The following ISOC1 variants were observed in gnomAD, a reference collection of about 807,000 sequenced individuals.
The protein encoded by ISOC1 is isochorismatase domain containing 1, also known as isochorismatase domain-containing protein 1.
In ISOC1, 33 loss-of-function variants were observed where a neutral mutation model predicts 30.0. The observed-to-expected ratio is 1.10, with a 90% CI of 0.83 to 1.47. The LOEUF is 1.47. ISOC1 is among the 40% of genes most tolerant of loss of function. ISOC1 has a pLI of 0.00. For missense variants in ISOC1, 372 were observed against 388.0 expected (o/e 0.96, Z 0.35); for synonymous variants, 178 against 159.8 (o/e 1.11, Z -0.86).
At chr5:129,104,544 C>T (rs1197491200) in intron 1 of ISOC1, among the ~76,000 whole-genome samples, 1 of 152,060 alleles carries the variant, frequency 6.6e-6, no homozygotes, top group South Asian at 2.1e-4. Flanking sequence ...TTGTAATGTA[C>T]TACTACTTTT....
At chr5:129,106,894 C>A in intron 3 of ISOC1, 52 bp from the exon 4 acceptor site, 1 of 1,271,060 alleles carries the variant, frequency 7.9e-7, no homozygotes. Context: ...CATTTGTAAA[C>A]TACTTTTAGT....
intron 3 of ISOC1, among the ~76,000 whole-genome samples, chr5:129,105,628 T>C (rs1026680721): frequency 6.6e-6 from 1 of 152,172 alleles, no homozygotes; most frequent in Non-Finnish European, 1.5e-5. Context: ...TTAAAGAGGA[T>C]ACTAAAATAC....
rs114901680 is a variant in ISOC1 at position 129,095,849 on chromosome 5, G to A, written c.309+774G>A. 5.1e-3 allele frequency among the ~76,000 whole-genome samples: 771 copies of A among 152,282 alleles called. 8 individuals are homozygous for A. The highest frequency in any genetic ancestry group is 0.018 in the African/African-American group (738 of 41,560). ...TTAAGCTGTGCTCTCATGCTAGGCG[G>A]GTTAATCTTCCGCCCTCTTTAGGAT... On this transcript the variant is annotated intron_variant, in intron 1 of 4. Coordinates refer to ENST00000173527, the MANE Select transcript of ISOC1 (RefSeq NM_016048.2).
intron 1 of ISOC1, among the ~76,000 whole-genome samples, chr5:129,103,179 T>G (rs1040273165): frequency 2.6e-5 from 4 of 152,172 alleles, no homozygotes; most frequent in Non-Finnish European, 5.9e-5. Context: ...ATGTAGATAT[T>G]GAGCCTTTTG....
intron 1 of ISOC1, among the ~76,000 whole-genome samples, chr5:129,102,581 C>T (rs1753586049): frequency 6.6e-6 from 1 of 152,114 alleles, no homozygotes; most frequent in African/African-American, 2.4e-5. Flanking sequence ...ATATCTTGAC[C>T]ATTTTATAAT....
chr5:129,103,236 A>G (rs563934123), intron 1 of ISOC1, among the ~76,000 whole-genome samples: 67 of 152,326 alleles, frequency 4.4e-4, no homozygotes, highest in African/African-American at 1.2e-3. Context: ...GGTTTTTAAA[A>G]TAGTATCCTA....
At position 129,095,093 on chromosome 5, in the gene ISOC1, CCG is replaced by C; in HGVS notation, c.309+24_309+25del. The C allele has an allele frequency of 6.5e-7, 1 of 1,527,280 alleles. No homozygotes were observed. The highest frequency in any genetic ancestry group is 8.8e-7 in the Non-Finnish European group (1 of 1,142,004). 94.6% of individuals were successfully genotyped at this position (1,527,280 alleles called of 1,614,324 possible). A position where few individuals can be genotyped will look rare whatever the true frequency, so the allele number is the denominator to read the frequency against. On this transcript the variant is annotated intron_variant, in intron 1 of 4. Coordinates refer to ENST00000173527, the MANE Select transcript of ISOC1 (RefSeq NM_016048.2). ...AGATCCAGGTGGGTCCTGCGGGAGG[CCG>C]CGCGCTTCCCTGTTCCCGAGTCGTC...
At chr5:129,096,883 A>G (rs1347127974) in intron 1 of ISOC1, among the ~76,000 whole-genome samples, 1 of 152,194 alleles carries the variant, frequency 6.6e-6, no homozygotes, top group African/African-American at 2.4e-5. Context: ...CTTCCAAGAT[A>G]GGATTTTTAT....
At chr5:129,101,739 C>T (rs2150170773) in intron 1 of ISOC1, among the ~76,000 whole-genome samples, 1 of 152,336 alleles carries the variant, frequency 6.6e-6, no homozygotes, top group African/African-American at 2.4e-5. Flanking sequence ...ATTTCACTAG[C>T]TTTTCCCTAA....
intron 1 of ISOC1, among the ~76,000 whole-genome samples, chr5:129,100,855 T>G (rs1351058310): frequency 6.6e-6 from 1 of 151,880 alleles, no homozygotes; most frequent in Non-Finnish European, 1.5e-5. Flanking sequence ...AAAGTTCCTT[T>G]CTGTTTGTAA....
At chr5:129,100,308 C>G (rs2150170474) in intron 1 of ISOC1, among the ~76,000 whole-genome samples, 1 of 152,248 alleles carries the variant, frequency 6.6e-6, no homozygotes, top group African/African-American at 2.4e-5. Flanking sequence ...CAAATCCCAG[C>G]TATGACAATT....
intron 1 of ISOC1, among the ~76,000 whole-genome samples, chr5:129,098,018 A>C (rs547056968): frequency 1.5e-4 from 23 of 152,164 alleles, no homozygotes; most frequent in African/African-American, 5.5e-4. Flanking sequence ...TCATTGCGTA[A>C]ATAGTGATTT....
In ISOC1 at chr5:129,095,183, C is replaced by T. The variant is rs909091186; in HGVS notation, c.309+108C>T. Reference sequence around the variant, plus strand: ...TCAGGTGCCCCGAGCCGCCCGGGACCCGGGCCCTGCGCGAGTGGCTGAGTC... The same window carrying T: ...TCAGGTGCCCCGAGCCGCCCGGGACTCGGGCCCTGCGCGAGTGGCTGAGTC... On this transcript the variant is annotated intron_variant, in intron 1 of 4. Transcript: ENST00000173527. 25 of 1,134,366 alleles carry T rather than the reference C, an allele frequency of 2.2e-5. No homozygotes were observed. In the Admixed American group the frequency reaches 6.9e-4, roughly 31 times the overall value. 70.3% of individuals were successfully genotyped at this position (1,134,366 alleles called of 1,614,324 possible). A position where few individuals can be genotyped will look rare whatever the true frequency, so the allele number is the denominator to read the frequency against.
chr5:129,109,979 TG>T (rs1292662038), intron 4 of ISOC1, among the ~76,000 whole-genome samples: 2 of 152,212 alleles, frequency 1.3e-5, no homozygotes, highest in Admixed American at 1.3e-4. Context: ...AAATGTTTTC[TG>T]GGTATTTGTC....
chr5:129,107,106 A>G, intron 4 of ISOC1, 44 bp downstream of exon 4: 1 of 1,434,738 alleles, frequency 7.0e-7, no homozygotes, highest in African/African-American at 1.4e-5. Flanking sequence ...AAGTTTTCCA[A>G]ATAAATGAGA....
chr5:129,094,927 T>C lies in ISOC1; in HGVS notation c.161T>C (p.Phe54Ser), dbSNP rs749862424. Residue 54 changes from phenylalanine (F) to serine (S), a missense_variant, in exon 1 of 5, where the codon TTC (phenylalanine) becomes TCC (serine). Physicochemically the swap from Phe to Ser is radical, Grantham distance 155. Transcript: ENST00000173527. ...GAGYELLIQK[F>S]LSLYGDQIDM... ...GGCTACGAGCTGCTCATCCAGAAGTTCCTCAGCCTGTACGGCGACCAGATC... is the reference window on the plus strand; with the variant it reads ...GGCTACGAGCTGCTCATCCAGAAGTCCCTCAGCCTGTACGGCGACCAGATC... 12 of 1,612,390 alleles carry C rather than the reference T, an allele frequency of 7.4e-6. No individual in the cohort carries two copies. Among genetic ancestry groups the C allele is most frequent in the Admixed American group, 6.7e-5 (4 of 60,008 alleles).
intron 1 of ISOC1, among the ~76,000 whole-genome samples, chr5:129,100,262 T>C (rs568848520): frequency 1.9e-3 from 296 of 152,140 alleles, no homozygotes; most frequent in African/African-American, 6.3e-3. Context: ...ATGGGCTGGG[T>C]GATGTGAAAA....
At chr5:129,095,368 C>G (rs1166715666) in intron 1 of ISOC1, among the ~76,000 whole-genome samples, 1 of 152,240 alleles carries the variant, frequency 6.6e-6, no homozygotes, top group Non-Finnish European at 1.5e-5. Flanking sequence ...CGCCCGCATC[C>G]GCTTTTTATG....
At chr5:129,111,026 T>C (rs1447371534) in intron 4 of ISOC1, among the ~76,000 whole-genome samples, 1 of 152,168 alleles carries the variant, frequency 6.6e-6, no homozygotes, top group East Asian at 1.9e-4. Context: ...CAGTGCTGTT[T>C]TCACACAACT....
Sources: allele counts gnomAD v4.1 joint callset (sites outside exome capture counted in the v4.1 genomes callset), GRCh38; gene constraint gnomAD v4.1.1; transcripts MANE v1.5; gene names NCBI Gene and HGNC (gene_info 2026-07-23, HGNC 2026-07-21).